Variants in DYSF observed in about 807,000 individuals in gnomAD.
The protein encoded by DYSF is dystrophy-associated fer-1-like 1.
In DYSF, 212 loss-of-function variants were observed where a neutral mutation model predicts 274.9. The observed-to-expected ratio is 0.77, with a 90% confidence interval of 0.69 to 0.86. The LOEUF (loss-of-function observed/expected upper bound fraction) is 0.86. Ranked by LOEUF, DYSF falls within the 40% of genes least tolerant of loss-of-function variation. The pLI is 0.00. For missense variants in DYSF, 2,666 were observed against 2,783.2 expected (o/e 0.96, Z 0.95); for synonymous variants, 1,091 against 1,078.7 (o/e 1.01, Z -0.22).
intron 41 of DYSF, among the ~76,000 whole-genome samples, chr2:71,635,502 C>T (rs952737544): frequency 1.3e-5 from 2 of 152,156 alleles, no homozygotes; most frequent in Non-Finnish European, 2.9e-5. Context: ...AATCCCAGCA[C>T]TTTGGGAGGC....
intron 10 of DYSF, among the ~76,000 whole-genome samples, chr2:71,519,811 G>GTTTTTTTTTTTTTTT (rs70959241): frequency 3.9e-5 from 4 of 102,278 alleles, no homozygotes; most frequent in Non-Finnish European, 5.6e-5. Context: ...CACCCGGCTA[G>GTTTTTTTTTTTTTTT]TTTTTTTTTT....
chr2:71,490,001 A>C (rs2083689925), intron 3 of DYSF, among the ~76,000 whole-genome samples: 1 of 152,182 alleles, frequency 6.6e-6, no homozygotes, highest in South Asian at 2.1e-4. Flanking sequence ...TGGAATACTG[A>C]AGGTGCAATA....
At chr2:71,463,603 G>C (rs2081376595), upstream of DYSF, among the ~76,000 whole-genome samples, 1 of 152,254 alleles carries the variant, frequency 6.6e-6, no homozygotes, top group Non-Finnish European at 1.5e-5. Flanking sequence ...CAACTCCATA[G>C]TATCATCCTG....
rs753644501 is a variant in DYSF at position 71,667,436 on chromosome 2, T to C, written c.5378T>C (p.Val1793Ala). ...GPVEERLALH[V>A]LQQQGLVPEH... ...GTGGAGGAGCGTCTGGCTCTGCATGTGCTTCAGCAGCAGGGCCTGGTCCCG... is the reference window on the plus strand; with the variant it reads ...GTGGAGGAGCGTCTGGCTCTGCATGCGCTTCAGCAGCAGGGCCTGGTCCCG... The change falls in exon 48 of 56, where the codon GTG becomes GCG. Residue 1793 changes from valine to alanine, a missense_variant. This residue lies in a region of DYSF where 1,460 missense variants were observed against 1,502.1 expected (regional missense o/e 0.97). Transcript: ENST00000410020. 3.1e-6 allele frequency: 5 copies of C among 1,614,096 alleles called. No individual in the cohort carries two copies. Among genetic ancestry groups the C allele is most frequent in the Non-Finnish European group, 4.2e-6 (5 of 1,180,024 alleles).
chr2:71,478,928 C>A (rs949309236), intron 1 of DYSF, among the ~76,000 whole-genome samples: 1 of 152,036 alleles, frequency 6.6e-6, no homozygotes, highest in Non-Finnish European at 1.5e-5. Context: ...TCTCCAGGCT[C>A]TGAACCTGGC....
chr2:71,652,876 GAGA>G (rs2094690368), intron 42 of DYSF, among the ~76,000 whole-genome samples: 1 of 152,216 alleles, frequency 6.6e-6, no homozygotes, highest in Non-Finnish European at 1.5e-5. Context: ...ATGGGAAAGG[GAGA>G]AGAAGTTTAA....
At chr2:71,661,041 T>C (rs555906989) in intron 45 of DYSF, among the ~76,000 whole-genome samples, 1 of 145,364 alleles carries the variant, frequency 6.9e-6, no homozygotes, top group East Asian at 2.0e-4. Context: ...CCCTTGAGCC[T>C]AGGAGTTTGA....
chr2:71,570,553 T>TG (rs766593521), intron 28 of DYSF, 46 bp from the exon 29 acceptor site: 4 of 1,608,244 alleles, frequency 2.5e-6, no homozygotes, highest in Non-Finnish European at 1.7e-6. Flanking sequence ...CCAGGAGAGA[T>TG]GGGGGGAACT....
chr2:71,631,835 C>T (rs1358709306), intron 41 of DYSF, among the ~76,000 whole-genome samples: 1 of 151,936 alleles, frequency 6.6e-6, no homozygotes, highest in African/African-American at 2.4e-5. Flanking sequence ...GAGTGCACCC[C>T]TCCTCCCTCG....
intron 40 of DYSF, among the ~76,000 whole-genome samples, chr2:71,618,608 G>GTGTGTGT (rs2094004346): frequency 2.8e-5 from 1 of 36,146 alleles, no homozygotes. Flanking sequence ...AGAGGTGGTG[G>GTGTGTGT]GTGTGGTAGA....
At chr2:71,581,069 G>A (rs569268630) in intron 30 of DYSF, among the ~76,000 whole-genome samples, 2 of 152,190 alleles carry the variant, frequency 1.3e-5, no homozygotes, top group Non-Finnish European at 2.9e-5. Context: ...AAAAGCAGGC[G>A]TAAGTAGGAC....
chr2:71,674,740 G>A (rs1400527564), intron 52 of DYSF, among the ~76,000 whole-genome samples: 1 of 152,200 alleles, frequency 6.6e-6, no homozygotes, highest in African/African-American at 2.4e-5. Flanking sequence ...CCCAGACAGG[G>A]TTCTAGTGGG....
chr2:71,572,255 C>CCAACACATG (rs1559194411), intron 29 of DYSF, among the ~76,000 whole-genome samples: 1 of 20,672 alleles, frequency 4.8e-5, no homozygotes, highest in African/African-American at 9.6e-5. Flanking sequence ...CCTAGCACAC[C>CCAACACATG]CACAGATCAC....
At chr2:71,515,799 T>G in intron 8 of DYSF, 48 bp downstream of exon 8, 3 of 1,612,350 alleles carry the variant, frequency 1.9e-6, no homozygotes, top group Admixed American at 3.3e-5. Flanking sequence ...GGCCTTCCAA[T>G]CTGGAAGCCC....
At position 71,618,268 on chromosome 2, in the gene DYSF, TGTGTGTGTGTGGTAGAG is replaced by T. The variant is rs2093968644; in HGVS notation, c.4465-2258_4465-2242del. The stretch of plus-strand genomic sequence containing the variant: ...GTAGAGGTGGCGTGTGTGGTAGAGG[TGTGTGTGTGTGGTAGAG>T]GTGTGTGTGTGGTAGAGGTGGTGTG... On this transcript the variant is annotated intron_variant, in intron 40 of 55. Coordinates refer to ENST00000410020, the MANE Select transcript of DYSF (RefSeq NM_001130987.2). 2.9e-4 allele frequency among the ~76,000 whole-genome samples: 7 copies of T among 24,352 alleles called. No homozygotes were observed. The South Asian group carries it at 3.9e-3, about 13-fold the overall frequency. 16.0% of individuals were successfully genotyped at this position (24,352 alleles called of 152,430 possible).
chr2:71,618,037 ATGG>A (rs1159201730), intron 40 of DYSF, among the ~76,000 whole-genome samples: 2 of 25,148 alleles, frequency 8.0e-5, no homozygotes, highest in Admixed American at 5.1e-4. Context: ...TGTGGTAGAG[ATGG>A]TGTGTGTGTG....
At chr2:71,675,296 G>A (rs1558802981) in intron 52 of DYSF, among the ~76,000 whole-genome samples, 1 of 152,192 alleles carries the variant, frequency 6.6e-6, no homozygotes. Context: ...GGTTAAAGTG[G>A]TGCATTTATG....
At chr2:71,681,472 C>T (rs1025531295) in intron 54 of DYSF, among the ~76,000 whole-genome samples, 2 of 152,220 alleles carry the variant, frequency 1.3e-5, no homozygotes, top group Admixed American at 1.3e-4. Flanking sequence ...GGCATTCCAG[C>T]TAGGACAGTG....
In DYSF at chr2:71,561,761, G is replaced by A. The variant is rs145868833; in HGVS notation, c.2226G>A (p.Leu742=). ...DELIAGCSQP[L]GDIHETPSAT... ...TGTCCGTCCCTCACAGCCAGCCTCT[G>A]GGTGACATCCATGAGACACCCTCTG... is the stretch of plus-strand genomic sequence containing the variant. Residue 742 remains leucine (L), a synonymous_variant, in exon 23 of 56, where the codon CTG becomes CTA. Transcript: ENST00000410020. 12 of 1,614,036 alleles carry A rather than the reference G, an allele frequency of 7.4e-6. No individual in the cohort carries two copies. In the African/African-American group the frequency reaches 1.6e-4, roughly 22 times the overall value.
Sources: allele counts gnomAD v4.1 joint callset (sites outside exome capture counted in the v4.1 genomes callset), GRCh38; gene constraint gnomAD v4.1.1; regional missense constraint gnomAD v4.1.1; transcripts MANE v1.5; gene names NCBI Gene and HGNC (gene_info 2026-07-23, HGNC 2026-07-21).